DENND4A: variants seen among roughly 807,000 people sequenced by gnomAD.
The protein encoded by DENND4A is C-myc promoter-binding protein.
DENND4A carries 70 observed loss-of-function variants against 199.3 expected under a neutral mutation model. The ratio of observed to expected loss-of-function variants is 0.35; its 90% confidence interval spans 0.29 to 0.43. The LOEUF (loss-of-function observed/expected upper bound fraction) is 0.43, where lower values mean the gene tolerates loss of function less well. DENND4A is among the 20% of genes least tolerant of loss of function. The probability of loss-of-function intolerance (pLI) is 1.00; values close to 1 mark genes in which losing one functional copy is unlikely to be tolerated. For synonymous variants in DENND4A, 686 were observed against 766.9 expected (o/e 0.89, Z 1.74); for missense variants, 1,723 against 2,255.8 (o/e 0.76, Z 4.78).
chr15:65,692,543 T>C (rs1190797861), intron 22 of DENND4A, among the ~76,000 whole-genome samples: 1 of 152,188 alleles, frequency 6.6e-6, no homozygotes, highest in Non-Finnish European at 1.5e-5. Context: ...TGTCATGTGA[T>C]GCATGCAAAT....
chr15:65,682,594 C>T (rs2076617543), intron 23 of DENND4A, among the ~76,000 whole-genome samples: 1 of 152,192 alleles, frequency 6.6e-6, no homozygotes, highest in African/African-American at 2.4e-5. Context: ...TGTCTTATCA[C>T]TCATGTCACT....
chr15:65,746,041 T>A (rs2076379518), intron 4 of DENND4A, among the ~76,000 whole-genome samples: 1 of 151,164 alleles, frequency 6.6e-6, no homozygotes, highest in Non-Finnish European at 1.5e-5. Context: ...CGCAGGAGGC[T>A]GAGGCAGGAG....
chr15:65,702,262 C>T, intron 17 of DENND4A, 43 bp downstream of exon 17: 6 of 1,464,822 alleles, frequency 4.1e-6, no homozygotes, highest in Non-Finnish European at 5.6e-6. Flanking sequence ...GAGTGAGACC[C>T]CATCTCAAAA....
intron 14 of DENND4A, among the ~76,000 whole-genome samples, chr15:65,708,618 C>T (rs1285988231): frequency 6.6e-6 from 1 of 152,136 alleles, no homozygotes; most frequent in African/African-American, 2.4e-5. Context: ...AGCATGGTGA[C>T]ATCTGTCTCT....
At position 65,729,142 on chromosome 15, in the gene DENND4A, T is replaced by C. The variant is rs1596541911; in HGVS notation, c.1417A>G (p.Arg473Gly). The change falls in exon 11 of 33, where the codon AGA becomes GGA. Residue 473 changes from arginine to glycine, a missense_variant. Physicochemically the swap from Arg to Gly is moderately radical, Grantham distance 125. Around this residue, in one of 6 missense-constraint regions of DENND4A, gnomAD observed 725 missense variants for 952.9 expected, o/e 0.76. Coordinates refer to ENST00000443035, the MANE Select transcript of DENND4A (RefSeq NM_001320835.1). The part of the protein sequence containing the change: ...PCPFIVGIDS[R>G]YFDLYDPPPD... The stretch of plus-strand genomic sequence containing the variant: ...GGAGGATCATAGAGATCAAAGTATC[T>C]TGAATCAATCCCTACTATGAATGGA... 2 of 1,591,850 alleles carry C rather than the reference T, an allele frequency of 1.3e-6. No homozygotes were observed. The highest frequency in any genetic ancestry group is 1.7e-6 in the Non-Finnish European group (2 of 1,168,138).
chr15:65,752,031 T>G (rs1183190771), intron 4 of DENND4A, among the ~76,000 whole-genome samples: 3 of 148,554 alleles, frequency 2.0e-5, no homozygotes, highest in Non-Finnish European at 4.4e-5. Context: ...GCTAAAGCCA[T>G]GTCTTCAAAT....
intron 22 of DENND4A, among the ~76,000 whole-genome samples, chr15:65,694,438 G>C (rs540731486): frequency 1.4e-5 from 2 of 144,088 alleles, no homozygotes; most frequent in Non-Finnish European, 3.0e-5. Flanking sequence ...ACCAGAGTGA[G>C]ACTCTGTCTC....
At chr15:65,732,708 A>G in intron 8 of DENND4A, 44 bp downstream of exon 8, 3 of 1,169,430 alleles carry the variant, frequency 2.6e-6, no homozygotes, top group Non-Finnish European at 3.8e-6. Context: ...GACAGAGCCA[A>G]TAACAACTCA....
Position 65,741,695 on chromosome 15 carries a change from G to A in DENND4A, c.631+20C>T. On this transcript the variant is annotated intron_variant, in intron 5 of 32. Transcript: ENST00000443035. Reference sequence around the variant, plus strand: ...ATAATACATTTATATATGAAGTATTGCATGAAAAATTACACTTACCAGCTT... The same window carrying A: ...ATAATACATTTATATATGAAGTATTACATGAAAAATTACACTTACCAGCTT... The A allele has an allele frequency of 5.6e-6, 9 of 1,604,292 alleles. No homozygotes were observed. The highest frequency in any genetic ancestry group is 7.7e-6 in the Non-Finnish European group (9 of 1,172,398).
At chr15:65,676,662 C>A (rs1555413506) in intron 23 of DENND4A, 28 bp from the exon 24 acceptor site, 7 of 1,556,632 alleles carry the variant, frequency 4.5e-6, no homozygotes, top group Middle Eastern at 1.7e-4. Context: ...AGCTTAATTT[C>A]TTGTACATTT....
chr15:65,771,792 T>G, intron 1 of DENND4A: 1 of 1,613,750 alleles, frequency 6.2e-7, no homozygotes, highest in Non-Finnish European at 8.5e-7. Context: ...ATGCTTGTTC[T>G]TCATTGCCCG....
chr15:65,746,903 A>T (rs1343494158), intron 4 of DENND4A, among the ~76,000 whole-genome samples: 1 of 150,998 alleles, frequency 6.6e-6, no homozygotes, highest in East Asian at 1.9e-4. Context: ...CCTGTTCTCT[A>T]CTAAAAAAAT....
chr15:65,692,967 G>C (rs909971823), intron 22 of DENND4A, among the ~76,000 whole-genome samples: 1 of 152,102 alleles, frequency 6.6e-6, no homozygotes, highest in Admixed American at 6.6e-5. Context: ...GTCTCAAATG[G>C]TTTCTACATT....
intron 1 of DENND4A, chr15:65,766,394 C>T (rs2140829561): frequency 6.6e-6 from 1 of 152,284 alleles, no homozygotes; most frequent in South Asian, 2.1e-4. Context: ...CATATAAATA[C>T]AGTTGACTCT....
At chr15:65,709,722 ATAT>A in intron 14 of DENND4A, among the ~76,000 whole-genome samples, 2 of 107,958 alleles carry the variant, frequency 1.9e-5, no homozygotes, top group Admixed American at 9.4e-5. Flanking sequence ...AAAAAAAAAT[ATAT>A]ATATATATAT....
intron 21 of DENND4A, chr15:65,696,715 G>A (rs552850164): frequency 3.4e-5 from 11 of 323,284 alleles, no homozygotes; most frequent in Non-Finnish European, 6.3e-5. Context: ...CATGCATGAG[G>A]TCCATGCACA....
chr15:65,790,890 A>C (rs1053699136), intron 1 of DENND4A, among the ~76,000 whole-genome samples: 2 of 152,190 alleles, frequency 1.3e-5, no homozygotes, highest in Non-Finnish European at 2.9e-5. Context: ...GTACTACAAT[A>C]GATTAGCGTA....
In DENND4A at chr15:65,764,524, G is replaced by A. The variant is rs140879542; in HGVS notation, c.-101-3086C>T. On this transcript the variant is annotated intron_variant, in intron 1 of 32. Transcript: ENST00000443035. ...CATGTGCCTGTAATTCCAGCTACTC[G>A]GGAGGCTGAGACATGAGAATTGCTT... 6.6e-3 allele frequency among the ~76,000 whole-genome samples: 1,004 copies of A among 152,134 alleles called. 11 individuals are homozygous for A. The highest frequency in any genetic ancestry group is 0.023 in the African/African-American group (964 of 41,484).
intron 32 of DENND4A, among the ~76,000 whole-genome samples, chr15:65,663,231 C>T (rs186860526): frequency 0.012 from 1,485 of 124,880 alleles, 20 homozygotes; most frequent in African/African-American, 0.046. Context: ...TTTGGTTAGA[C>T]GGAGTTTCAC....
Sources: allele counts gnomAD v4.1 joint callset (sites outside exome capture counted in the v4.1 genomes callset), GRCh38; gene constraint gnomAD v4.1.1; regional missense constraint gnomAD v4.1.1; transcripts MANE v1.5; gene names NCBI Gene and HGNC (gene_info 2026-07-23, HGNC 2026-07-21).